TMTC2: variants seen among roughly 807,000 people sequenced by gnomAD.
The protein encoded by TMTC2 is protein O-mannosyl-transferase TMTC2.
A neutral mutation model predicts 82.4 loss-of-function variants in TMTC2; 43 were observed. That is an observed-to-expected ratio of 0.52 (90% CI 0.41 to 0.67). The LOEUF is 0.67. Among genes scored for constraint, TMTC2 ranks in the 30% least tolerant of loss-of-function variants. The pLI, the probability that TMTC2 is intolerant of heterozygous loss-of-function variation, is 0.00. For synonymous variants in TMTC2, 408 were observed against 381.9 expected (o/e 1.07, Z -0.80); for missense variants, 919 against 1,012.4 (o/e 0.91, Z 1.25).
intron 1 of TMTC2, among the ~76,000 whole-genome samples, chr12:82,748,182 G>A (rs932533043): frequency 2.6e-5 from 4 of 152,058 alleles, no homozygotes; most frequent in Admixed American, 6.5e-5. Flanking sequence ...GTGGTGGCAC[G>A]CACCTGTAGT....
At chr12:83,018,053 A>G (rs1250859839) in intron 8 of TMTC2, among the ~76,000 whole-genome samples, 1 of 149,192 alleles carries the variant, frequency 6.7e-6, no homozygotes, top group Non-Finnish European at 1.5e-5. Context: ...GTGTATGTAT[A>G]TATATATATA....
chr12:82,781,398 TC>T, intron 1 of TMTC2, among the ~76,000 whole-genome samples: 1 of 95,180 alleles, frequency 1.1e-5, no homozygotes, highest in Admixed American at 1.2e-4. Flanking sequence ...TGGAGTTTGC[TC>T]TTTTTTTTTT....
At chr12:83,049,732 C>G (rs577819022) in intron 9 of TMTC2, among the ~76,000 whole-genome samples, 144 of 152,328 alleles carry the variant, frequency 9.5e-4, no homozygotes, top group African/African-American at 3.4e-3. Flanking sequence ...TTTGAGAAAT[C>G]AGCATACTGC....
chr12:83,039,013 C>T (rs1881785919), intron 9 of TMTC2, among the ~76,000 whole-genome samples: 1 of 146,494 alleles, frequency 6.8e-6, no homozygotes, highest in East Asian at 2.1e-4. Flanking sequence ...CTCTCTGCAA[C>T]CTCTGCCCCC....
rs140547898 is a variant in TMTC2, at chr12:83,074,841, C to T, written c.2331+13010C>T. 2.0e-3 allele frequency among the ~76,000 whole-genome samples: 302 copies of T among 152,262 alleles called. 1 individual carries two copies. Among genetic ancestry groups the T allele is most frequent in the African/African-American group, 6.8e-3 (282 of 41,542 alleles). On this transcript the variant is annotated intron_variant, in intron 11 of 11. Transcript: ENST00000321196. ...GTTCTTCCCCCGCCTTTGGAGTCTG[C>T]ACACTGGATTTGCGCTCTCCCCTAA...
chr12:83,118,522 G>A (rs528419978), intron 11 of TMTC2, among the ~76,000 whole-genome samples: 5 of 152,150 alleles, frequency 3.3e-5, no homozygotes, highest in South Asian at 4.2e-4. Flanking sequence ...AAATGAAACC[G>A]ACTTGATCAT....
At chr12:83,114,881 G>A (rs1390170762) in intron 11 of TMTC2, among the ~76,000 whole-genome samples, 1 of 151,228 alleles carries the variant, frequency 6.6e-6, no homozygotes, top group Non-Finnish European at 1.5e-5. Context: ...ATATGTATAT[G>A]TGTGTATATT....
chr12:82,824,772 A>G (rs1382650160), intron 1 of TMTC2, among the ~76,000 whole-genome samples: 4 of 152,094 alleles, frequency 2.6e-5, no homozygotes, highest in Non-Finnish European at 4.4e-5. Context: ...CCATGGGAGT[A>G]TTTTCAGGAA....
At chr12:82,997,384 G>GTATATATATATGTGTA (rs1565845201) in intron 8 of TMTC2, among the ~76,000 whole-genome samples, 30 of 29,726 alleles carry the variant, frequency 1.0e-3, no homozygotes, top group African/African-American at 2.2e-3. Flanking sequence ...ATATATATGT[G>GTATATATATATGTGTA]TATATATATA....
intron 11 of TMTC2, among the ~76,000 whole-genome samples, chr12:83,097,838 G>C (rs113081599): frequency 5.3e-4 from 81 of 152,296 alleles, no homozygotes; most frequent in African/African-American, 1.9e-3. Context: ...AAGGCCTAAA[G>C]AGAAGATGGA....
chr12:82,756,404 A>G (rs577959136), intron 1 of TMTC2, among the ~76,000 whole-genome samples: 31 of 152,304 alleles, frequency 2.0e-4, no homozygotes, highest in Non-Finnish European at 3.8e-4. Flanking sequence ...CTTTACAAAA[A>G]GAGAGGTTAG....
intron 2 of TMTC2, among the ~76,000 whole-genome samples, chr12:82,875,385 T>TATATA (rs140437146): frequency 0.047 from 7,157 of 151,918 alleles, 587 homozygotes; most frequent in African/African-American, 0.16. Context: ...TATATATATA[T>TATATA]ATGTTTTACA....
intron 3 of TMTC2, among the ~76,000 whole-genome samples, chr12:82,918,891 G>A (rs1274136333): frequency 6.6e-6 from 1 of 151,978 alleles, no homozygotes; most frequent in African/African-American, 2.4e-5. Context: ...CTGAGTAGCT[G>A]GGACTACAGG....
At chr12:82,731,527 T>C in intron 1 of TMTC2, among the ~76,000 whole-genome samples, 1 of 152,242 alleles carries the variant, frequency 6.6e-6, no homozygotes, top group East Asian at 1.9e-4. Flanking sequence ...TAGGAATTTA[T>C]AGCTGTTTGT....
At chr12:83,019,315 T>G (rs1880814024) in intron 8 of TMTC2, among the ~76,000 whole-genome samples, 1 of 152,154 alleles carries the variant, frequency 6.6e-6, no homozygotes, top group Non-Finnish European at 1.5e-5. Context: ...CTGTAATTGT[T>G]CTATCCATTT....
At chr12:83,096,027 T>C (rs1205476633) in intron 11 of TMTC2, among the ~76,000 whole-genome samples, 1 of 152,242 alleles carries the variant, frequency 6.6e-6, no homozygotes, top group Non-Finnish European at 1.5e-5. Context: ...AGATTTACCC[T>C]TTTGAACCAA....
chr12:82,799,055 A>G (rs572702143), intron 1 of TMTC2, among the ~76,000 whole-genome samples: 1 of 152,288 alleles, frequency 6.6e-6, no homozygotes, highest in South Asian at 2.1e-4. Flanking sequence ...GCCAGTCTGT[A>G]CATCAGTCTG....
chr12:82,801,736 T>C (rs1048861813), intron 1 of TMTC2, among the ~76,000 whole-genome samples: 3 of 152,092 alleles, frequency 2.0e-5, no homozygotes, highest in South Asian at 2.1e-4. Flanking sequence ...AGAGTGCCGA[T>C]TGGTGTATTC....
chr12:82,765,416 T>C (rs1316876026), intron 1 of TMTC2, among the ~76,000 whole-genome samples: 1 of 152,190 alleles, frequency 6.6e-6, no homozygotes, highest in East Asian at 1.9e-4. Flanking sequence ...AGCTCGTGCC[T>C]GTAATCCCAG....
Sources: allele counts gnomAD v4.1 joint callset (sites outside exome capture counted in the v4.1 genomes callset), GRCh38; gene constraint gnomAD v4.1.1; transcripts MANE v1.5; gene names NCBI Gene and HGNC (gene_info 2026-07-23, HGNC 2026-07-21).